The following NFIB variants were observed in gnomAD, a reference collection of about 807,000 sequenced individuals.
NFIB encodes the protein nuclear factor I B, also known as nuclear factor 1 B-type.
A neutral mutation model predicts 61.5 loss-of-function variants in NFIB; 11 were observed. The observed-to-expected ratio is 0.18, with a 90% CI of 0.11 to 0.30. NFIB has a LOEUF of 0.30. Ranked by LOEUF, NFIB falls within the 10% of genes least tolerant of loss-of-function variation. NFIB has a pLI of 1.00. For synonymous variants in NFIB, 260 were observed against 216.5 expected, an observed-to-expected ratio of 1.20 and a Z score of -1.76; for missense variants, 471 against 608.9, an observed-to-expected ratio of 0.77 and a Z score of 2.38.
the NFIB span, among the ~76,000 whole-genome samples, chr9:14,490,272 T>A: frequency 7.9e-5 from 12 of 152,148 alleles, no homozygotes; most frequent in African/African-American, 2.9e-4. Flanking sequence ...AGTTCTGGGA[T>A]AATTGATTAT....
At chr9:14,116,370 G>C (rs1359452824) in intron 8 of NFIB, 24 bp from the exon 9 acceptor site, 17 of 1,470,036 alleles carry the variant, frequency 1.2e-5, no homozygotes. Flanking sequence ...ACAGAATGCC[G>C]GGTGAAGCAA....
At chr9:14,159,302 G>A (rs983641454) in intron 3 of NFIB, among the ~76,000 whole-genome samples, 6 of 152,146 alleles carry the variant, frequency 3.9e-5, no homozygotes, top group African/African-American at 1.4e-4. Flanking sequence ...CGGAAACAAT[G>A]GAAAGAGGTA....
At chr9:14,221,373 G>A (rs939980017) in intron 2 of NFIB, among the ~76,000 whole-genome samples, 4 of 152,240 alleles carry the variant, frequency 2.6e-5, no homozygotes, top group African/African-American at 7.2e-5. Flanking sequence ...AAATAGATTT[G>A]GTTGAATCAC....
At chr9:14,361,056 G>C (rs1046452094) in intron 1 of NFIB, among the ~76,000 whole-genome samples, 32 of 151,864 alleles carry the variant, frequency 2.1e-4, no homozygotes, top group Admixed American at 7.9e-4. Context: ...ATTTTTCCAG[G>C]TTTAAGAGAT....
intron 2 of NFIB, among the ~76,000 whole-genome samples, chr9:14,274,176 T>C (rs1177191876): frequency 6.6e-6 from 1 of 151,512 alleles, no homozygotes; most frequent in African/African-American, 2.4e-5. Context: ...TTTCCACTGG[T>C]AGTTCTTCCT....
chr9:14,450,781 C>T, the NFIB span, among the ~76,000 whole-genome samples: 19 of 152,260 alleles, frequency 1.2e-4, no homozygotes, highest in African/African-American at 3.9e-4. Flanking sequence ...ATTTATCAAC[C>T]GGCCATGAAG....
chr9:14,205,237 A>ATG (rs1587591782), intron 2 of NFIB, among the ~76,000 whole-genome samples: 1 of 236 alleles, frequency 4.2e-3, no homozygotes, highest in Non-Finnish European at 6.9e-3. Flanking sequence ...GAGGGGGAAA[A>ATG]AAGAAGGGAG....
At chr9:14,155,488 T>A (rs1318586940) in intron 4 of NFIB, among the ~76,000 whole-genome samples, 1 of 152,134 alleles carries the variant, frequency 6.6e-6, no homozygotes, top group Admixed American at 6.6e-5. Context: ...TTATGTGGGT[T>A]ATCATAACAA....
chr9:14,358,773 C>T (rs1432181423), intron 1 of NFIB, among the ~76,000 whole-genome samples: 1 of 152,206 alleles, frequency 6.6e-6, no homozygotes, highest in Non-Finnish European at 1.5e-5. Flanking sequence ...GCAGCCAACT[C>T]ATATCAACTC....
chr9:14,413,604 T>G, the NFIB span, among the ~76,000 whole-genome samples: 1 of 152,156 alleles, frequency 6.6e-6, no homozygotes, highest in Non-Finnish European at 1.5e-5. Flanking sequence ...TGAATGGGGT[T>G]CTTAAGGCCA....
chr9:14,099,049 T>A lies in NFIB; in HGVS notation c.1468-10723A>T, dbSNP rs567946895. On this transcript the variant is annotated intron_variant, in intron 10 of 10. Coordinates refer to ENST00000380953, the MANE Select transcript of NFIB (RefSeq NM_001190737.2). Reference sequence around the variant, plus strand: ...GTTCCGACAAGAGCTGCATTTGACATGGAAACACCTCAACAGGGCAATTAG... The same window carrying A: ...GTTCCGACAAGAGCTGCATTTGACAAGGAAACACCTCAACAGGGCAATTAG... Among the ~76,000 whole-genome samples, 109 of 152,226 alleles carry A rather than the reference T, an allele frequency of 7.2e-4. 1 individual carries two copies. The highest frequency in any genetic ancestry group is 3.3e-3 in the Admixed American group (50 of 15,294).
intron 3 of NFIB, among the ~76,000 whole-genome samples, chr9:14,167,728 A>AG (rs2131330716): frequency 6.6e-6 from 1 of 152,332 alleles, no homozygotes; most frequent in South Asian, 2.1e-4. Context: ...CAGTGTAATC[A>AG]GGAATATTTT....
chr9:14,489,618 G>A, the NFIB span, among the ~76,000 whole-genome samples: 1 of 151,974 alleles, frequency 6.6e-6, no homozygotes, highest in Non-Finnish European at 1.5e-5. Flanking sequence ...TAGCCTCCTG[G>A]TTCTCCTCCA....
chr9:14,153,745 T>C (rs1402534681), intron 4 of NFIB, among the ~76,000 whole-genome samples: 1 of 152,106 alleles, frequency 6.6e-6, no homozygotes, highest in East Asian at 1.9e-4. Context: ...CCTCAAGAAG[T>C]CAGAATTTGT....
At position 14,228,513 on chromosome 9, in the gene NFIB, C is replaced by T. The variant is rs536185806; in HGVS notation, c.563-48733G>A. Among the ~76,000 whole-genome samples, 14 of 152,290 alleles carry T rather than the reference C, an allele frequency of 9.2e-5. No homozygotes were observed. The South Asian group carries it at 2.5e-3, about 27-fold the overall frequency. On this transcript the variant is annotated intron_variant, in intron 2 of 10. Transcript: ENST00000380953. Reference sequence around the variant, plus strand: ...CTTAATAGTAATTCCCACATCTAAACTATACAATGTTCCACTCGAACCCAT... The same window carrying T: ...CTTAATAGTAATTCCCACATCTAAATTATACAATGTTCCACTCGAACCCAT...
chr9:14,108,510 G>A (rs1222150475), intron 10 of NFIB, among the ~76,000 whole-genome samples: 1 of 152,064 alleles, frequency 6.6e-6, no homozygotes. Flanking sequence ...AAACAAAAGT[G>A]TTATAAGAAA....
the NFIB span, among the ~76,000 whole-genome samples, chr9:14,522,966 C>T: frequency 6.6e-6 from 1 of 152,150 alleles, no homozygotes; most frequent in Non-Finnish European, 1.5e-5. Context: ...AATCCACAAT[C>T]AAATTTTTCT....
intron 1 of NFIB, among the ~76,000 whole-genome samples, chr9:14,346,972 C>A (rs371353533): frequency 6.6e-6 from 1 of 151,986 alleles, no homozygotes; most frequent in African/African-American, 2.4e-5. Flanking sequence ...CACGAATTAG[C>A]CTCACAACAG....
chr9:14,131,311 G>C (rs968857981), intron 6 of NFIB, among the ~76,000 whole-genome samples: 3 of 152,088 alleles, frequency 2.0e-5, no homozygotes, highest in African/African-American at 4.8e-5. Flanking sequence ...CTTTAAATAA[G>C]TATTTTGCAA....
Sources: allele counts gnomAD v4.1 joint callset (sites outside exome capture counted in the v4.1 genomes callset), GRCh38; gene constraint gnomAD v4.1.1; transcripts MANE v1.5; gene names NCBI Gene and HGNC (gene_info 2026-07-23, HGNC 2026-07-21).